Variants in GRK5 observed in about 807,000 individuals in gnomAD.
The protein encoded by GRK5 is g protein-coupled receptor kinase GRK5.
A neutral mutation model predicts 78.4 loss-of-function variants in GRK5; 40 were observed. The observed-to-expected ratio is 0.51, with a 90% CI of 0.40 to 0.66. GRK5 has a LOEUF of 0.66. Ranked by LOEUF, GRK5 falls within the 30% of genes least tolerant of loss-of-function variation. GRK5 has a pLI of 0.00. For missense variants in GRK5, 598 were observed against 759.9 expected (o/e 0.79, Z 2.50); for synonymous variants, 289 against 296.8 (o/e 0.97, Z 0.27).
chr10:119,326,236 C>T (rs1589746163), intron 1 of GRK5, among the ~76,000 whole-genome samples: 1 of 152,232 alleles, frequency 6.6e-6, no homozygotes, highest in African/African-American at 2.4e-5. Flanking sequence ...AGGGGAACAG[C>T]CGTGGGGGAT....
At chr10:119,354,824 C>T (rs752714110) in intron 2 of GRK5, among the ~76,000 whole-genome samples, 2 of 151,998 alleles carry the variant, frequency 1.3e-5, no homozygotes, top group Non-Finnish European at 2.9e-5. Context: ...ATACAGTATT[C>T]AAGGGATACA....
chr10:119,434,934 G>A lies in GRK5; in HGVS notation c.739-1717G>A, dbSNP rs556153542. ...TTCACACATCTTCTGAAATCTAGGC[G>A]GAGGTTCCCAAACCTCAATTCTTGA... On this transcript the variant is annotated intron_variant, in intron 8 of 15. Coordinates refer to ENST00000392870, the MANE Select transcript of GRK5 (RefSeq NM_005308.3). Among the ~76,000 whole-genome samples, 103 of 152,334 alleles carry A rather than the reference G, an allele frequency of 6.8e-4. 4 individuals are homozygous for A. The South Asian group carries it at 0.021, about 31-fold the overall frequency.
chr10:119,432,603 A>G (rs1433428390), intron 8 of GRK5, among the ~76,000 whole-genome samples: 1 of 152,260 alleles, frequency 6.6e-6, no homozygotes, highest in East Asian at 1.9e-4. Context: ...TTCTTAGCCA[A>G]TGGGATCTTC....
At chr10:119,359,382 G>A (rs996513663) in intron 2 of GRK5, among the ~76,000 whole-genome samples, 1 of 152,236 alleles carries the variant, frequency 6.6e-6, no homozygotes, top group Non-Finnish European at 1.5e-5. Context: ...TATGGCAAGA[G>A]GGGAGCCTCC....
At position 119,445,810 on chromosome 10, in the gene GRK5, G is replaced by A. The variant is rs1345357521; in HGVS notation, c.1266+2058G>A. 5.9e-5 allele frequency among the ~76,000 whole-genome samples: 9 copies of A among 152,254 alleles called. No homozygotes were observed. In the South Asian group the frequency reaches 1.9e-3, roughly 32 times the overall value. ...CACAGGGCTATTTCTAGGCTCTGGTGGCTCCAGCCCTGCCTGCCTAAGAGG... is the reference window on the plus strand; with the variant it reads ...CACAGGGCTATTTCTAGGCTCTGGTAGCTCCAGCCCTGCCTGCCTAAGAGG... On this transcript the variant is annotated intron_variant, in intron 12 of 15. Coordinates refer to ENST00000392870, the MANE Select transcript of GRK5 (RefSeq NM_005308.3). The surrounding 1 kb of genome is among the most constrained non-coding windows in gnomAD (Gnocchi z 4.1).
rs1194000327 is a variant in GRK5, at chr10:119,267,236, T to G, written c.52+59267T>G. Among the ~76,000 whole-genome samples the G allele has an allele frequency of 6.6e-6, 1 of 151,604 alleles. No homozygotes were observed. ...CCAGCCTGGGCAACAAGAGCGAAACTCTGTCTCAAAAAAAAAAAATTCTTT... is the reference window on the plus strand; with the variant it reads ...CCAGCCTGGGCAACAAGAGCGAAACGCTGTCTCAAAAAAAAAAAATTCTTT... On this transcript the variant is annotated intron_variant, in intron 1 of 15. Transcript: ENST00000392870. The surrounding 1 kb of genome is among the most constrained non-coding windows in gnomAD (Gnocchi z 4.1).
At chr10:119,246,919 C>T (rs1337994044) in intron 1 of GRK5, among the ~76,000 whole-genome samples, 1 of 152,172 alleles carries the variant, frequency 6.6e-6, no homozygotes, top group African/African-American at 2.4e-5. Flanking sequence ...CTGCCTCAGC[C>T]AGCTGCTGTT....
chr10:119,299,961 C>G (rs377311726), intron 1 of GRK5, among the ~76,000 whole-genome samples: 1 of 152,254 alleles, frequency 6.6e-6, no homozygotes, highest in Admixed American at 6.5e-5. Context: ...AGCCCTCCCC[C>G]TTCCCCACCC....
At chr10:119,250,658 A>G (rs1439477530) in intron 1 of GRK5, among the ~76,000 whole-genome samples, 1 of 151,896 alleles carries the variant, frequency 6.6e-6, no homozygotes, top group Non-Finnish European at 1.5e-5. Context: ...CCTACACCAC[A>G]TATTCCATCC....
At position 119,425,024 on chromosome 10, in the gene GRK5, T is replaced by C; in HGVS notation, c.472T>C (p.Phe158Leu). Reference protein sequence around the residue: ...SVHEYLRGEPFHEYLDSMFFD... With the variant: ...SVHEYLRGEPLHEYLDSMFFD... ...CCACGAGTACCTGAGGGGAGAACCA[T>C]TCCACGAATATCTGGACAGCATGTT... Residue 158 changes from phenylalanine to leucine, a missense_variant, in exon 6 of 16, where the codon TTC (phenylalanine) becomes CTC (leucine). Physicochemically the swap from Phe to Leu is conservative, Grantham distance 22 (BLOSUM62 0). Transcript: ENST00000392870. The C allele has an allele frequency of 6.2e-7, 1 of 1,613,934 alleles. No individual in the cohort carries two copies. Among genetic ancestry groups the C allele is most frequent in the East Asian group, 2.2e-5 (1 of 44,878 alleles).
intron 13 of GRK5, among the ~76,000 whole-genome samples, chr10:119,449,376 G>A (rs1045958949): frequency 6.6e-6 from 1 of 152,212 alleles, no homozygotes; most frequent in African/African-American, 2.4e-5. Flanking sequence ...GACAGAAGGT[G>A]GCTTGGGAAG....
rs1378282049 is a variant in GRK5 at position 119,452,430 on chromosome 10, C to A, written c.1405-241C>A. ...GCTGCACTGTCATCTGGAGGGGTCG[C>A]ACAAAAAAACCACAGGCCATCATCT... On this transcript the variant is annotated intron_variant, in intron 13 of 15. Coordinates refer to ENST00000392870, the MANE Select transcript of GRK5 (RefSeq NM_005308.3). The surrounding 1 kb of genome is among the most constrained non-coding windows in gnomAD (Gnocchi z 4.4). 9.5e-6 allele frequency: 5 copies of A among 524,986 alleles called. No individual in the cohort carries two copies. In the South Asian group the frequency reaches 9.8e-5, roughly 10 times the overall value. The allele number at this position is 524,986 out of a possible 1,614,324, so 32.5% of individuals were successfully genotyped here. A position where few individuals can be genotyped will look rare whatever the true frequency, so the allele number is the denominator to read the frequency against.
intron 1 of GRK5, among the ~76,000 whole-genome samples, chr10:119,220,160 A>G (rs547839172): frequency 6.6e-6 from 1 of 152,340 alleles, no homozygotes; most frequent in East Asian, 1.9e-4. Flanking sequence ...AGAGGCCAAC[A>G]TGATGAGGCT....
intron 2 of GRK5, among the ~76,000 whole-genome samples, chr10:119,340,969 G>A (rs1589753891): frequency 1.3e-5 from 2 of 152,168 alleles, no homozygotes; most frequent in Non-Finnish European, 2.9e-5. Context: ...TCGTAAAGCT[G>A]TTCTGTCTCT....
chr10:119,394,174 G>A (rs540368431), intron 3 of GRK5, among the ~76,000 whole-genome samples: 19 of 72,492 alleles, frequency 2.6e-4, no homozygotes, highest in Non-Finnish European at 5.1e-4. Flanking sequence ...GTTTGAGTGT[G>A]TGTGTGGGTG....
chr10:119,293,589 G>A (rs1208790024), intron 1 of GRK5, among the ~76,000 whole-genome samples: 3 of 152,220 alleles, frequency 2.0e-5, no homozygotes, highest in Non-Finnish European at 4.4e-5. Context: ...ACTGCGGATT[G>A]CCAGGTACCA....
chr10:119,335,166 CTCTCTCT>C (rs1850855753), intron 2 of GRK5, among the ~76,000 whole-genome samples: 2 of 143,718 alleles, frequency 1.4e-5, no homozygotes, highest in African/African-American at 5.5e-5. Flanking sequence ...CTCTCTCTCT[CTCTCTCT>C]CTCCCCCTCT....
chr10:119,394,991 C>T (rs1402611347), intron 3 of GRK5, among the ~76,000 whole-genome samples: 1 of 151,042 alleles, frequency 6.6e-6, no homozygotes, highest in African/African-American at 2.4e-5. Context: ...AGTGCCCAGT[C>T]CCTCAAGGCT....
intron 1 of GRK5, among the ~76,000 whole-genome samples, chr10:119,319,713 C>T (rs898898688): frequency 6.6e-6 from 1 of 152,246 alleles, no homozygotes; most frequent in Non-Finnish European, 1.5e-5. Context: ...GAGCCAGTGC[C>T]AGCAGAAGAT....
Sources: allele counts gnomAD v4.1 joint callset (sites outside exome capture counted in the v4.1 genomes callset), GRCh38; gene constraint gnomAD v4.1.1; non-coding constraint Gnocchi (gnomAD v3.1); transcripts MANE v1.5; gene names NCBI Gene and HGNC (gene_info 2026-07-23, HGNC 2026-07-21).